Variants in RFX8 observed in about 807,000 individuals in gnomAD.
RFX8 encodes the protein regulatory factor X8, also known as DNA-binding protein RFX8.
Under a neutral mutation model 54.6 loss-of-function variants are expected in RFX8, and 46 were observed. The observed-to-expected ratio is 0.84, with a 90% confidence interval of 0.67 to 1.08. The LOEUF is 1.08. Ranked by LOEUF, RFX8 falls within the 50% of genes least tolerant of loss-of-function variation. The pLI is 0.00. For missense variants in RFX8, 536 were observed against 562.3 expected, an observed-to-expected ratio of 0.95 and a Z score of 0.47; for synonymous variants, 192 against 209.5, an observed-to-expected ratio of 0.92 and a Z score of 0.72.
intron 2 of RFX8, among the ~76,000 whole-genome samples, chr2:101,453,951 A>T (rs1359183395): frequency 6.6e-6 from 1 of 152,156 alleles, no homozygotes; most frequent in African/African-American, 2.4e-5. Context: ...CACAACATGC[A>T]GGTTTGTTAC....
At chr2:101,446,821 G>A (rs1344458473) in intron 2 of RFX8, among the ~76,000 whole-genome samples, 1 of 101,950 alleles carries the variant, frequency 9.8e-6, no homozygotes, top group Non-Finnish European at 2.0e-5. Context: ...GGGTGGGGGG[G>A]CACACAATGG....
intron 10 of RFX8, among the ~76,000 whole-genome samples, chr2:101,403,363 T>C (rs1167468129): frequency 6.6e-6 from 1 of 152,192 alleles, no homozygotes; most frequent in Non-Finnish European, 1.5e-5. Context: ...CCCAAGGCCT[T>C]TGTGCTCCCA....
At chr2:101,435,297 A>T (rs1048428502) in intron 2 of RFX8, among the ~76,000 whole-genome samples, 3 of 152,346 alleles carry the variant, frequency 2.0e-5, no homozygotes, top group Non-Finnish European at 4.4e-5. Flanking sequence ...AAAAGCTGAC[A>T]CGGTGAGAGA....
intron 2 of RFX8, among the ~76,000 whole-genome samples, chr2:101,424,288 CA>C (rs1252910110): frequency 5.3e-5 from 8 of 152,248 alleles, no homozygotes; most frequent in African/African-American, 1.9e-4. Flanking sequence ...CACTGGTCAT[CA>C]AAGAAATGCA....
chr2:101,436,094 C>T (rs966217187), intron 2 of RFX8, among the ~76,000 whole-genome samples: 11 of 152,068 alleles, frequency 7.2e-5, no homozygotes, highest in Admixed American at 3.3e-4. Context: ...CCCCAGCAGA[C>T]GGGTGTGGAG....
At chr2:101,449,712 C>A (rs2148969969) in intron 2 of RFX8, among the ~76,000 whole-genome samples, 1 of 152,124 alleles carries the variant, frequency 6.6e-6, no homozygotes, top group African/African-American at 2.4e-5. Context: ...AAGGTCAGGA[C>A]CAGTGAGAAG....
intron 2 of RFX8, among the ~76,000 whole-genome samples, chr2:101,449,993 G>A (rs1171481503): frequency 1.3e-5 from 2 of 151,980 alleles, no homozygotes; most frequent in East Asian, 1.9e-4. Context: ...TAGACTCAGC[G>A]AAAAATGGCT....
intron 1 of RFX8, 200 bp downstream of exon 1, chr2:101,474,436 C>G (rs2149006754): frequency 2.7e-6 from 1 of 365,132 alleles, no homozygotes; most frequent in African/African-American, 2.1e-5. Flanking sequence ...GTCCTCCAGG[C>G]CCGAGCCCGG....
At chr2:101,416,137 G>C (rs1402142294) in intron 6 of RFX8, among the ~76,000 whole-genome samples, 5 of 149,078 alleles carry the variant, frequency 3.4e-5, no homozygotes, top group Non-Finnish European at 6.0e-5. Flanking sequence ...GGGAAGGTTG[G>C]TAATTGATTA....
At chr2:101,456,786 G>A (rs756401810) in intron 2 of RFX8, among the ~76,000 whole-genome samples, 1 of 152,118 alleles carries the variant, frequency 6.6e-6, no homozygotes, top group Non-Finnish European at 1.5e-5. Flanking sequence ...CAGAAGGAAT[G>A]GTACCAGCTC....
chr2:101,444,826 C>T (rs1248475826), intron 2 of RFX8, among the ~76,000 whole-genome samples: 1 of 152,178 alleles, frequency 6.6e-6, no homozygotes, highest in East Asian at 1.9e-4. Flanking sequence ...TGAATGTTTA[C>T]TGTGTGCCAG....
chr2:101,426,691 A>G (rs1296709545), intron 2 of RFX8, among the ~76,000 whole-genome samples: 2 of 152,140 alleles, frequency 1.3e-5, no homozygotes, highest in African/African-American at 2.4e-5. Flanking sequence ...GCTACCATTC[A>G]TCTACTCATT....
At chr2:101,464,767 C>CT (rs1558892216) in intron 2 of RFX8, among the ~76,000 whole-genome samples, 1 of 151,998 alleles carries the variant, frequency 6.6e-6, no homozygotes, top group Non-Finnish European at 1.5e-5. Context: ...GTCTCTTTAA[C>CT]TTTTTTTTCT....
At chr2:101,470,381 T>G (rs1038112633) in intron 1 of RFX8, among the ~76,000 whole-genome samples, 1 of 152,156 alleles carries the variant, frequency 6.6e-6, no homozygotes, top group East Asian at 1.9e-4. Flanking sequence ...TCCAACCACC[T>G]GGGGCTCCAA....
At chr2:101,458,567 C>G (rs7578782) in intron 2 of RFX8, among the ~76,000 whole-genome samples, 135,776 of 152,250 alleles carry the variant, frequency 0.89, 61,047 homozygotes, top group Middle Eastern at 0.95. Context: ...TAGGGTTTCT[C>G]CCGAGAGATC....
In RFX8 at chr2:101,409,063, C is replaced by G. The variant is rs1685933416; in HGVS notation, c.813+1556G>C. ...ACTCCTGCTCTTGAATGCCCGATCC[C>G]CCTCTCTCAGCTTATTTTAATCCTG... On this transcript the variant is annotated intron_variant, in intron 9 of 11. Transcript: ENST00000428343. Among the ~76,000 whole-genome samples, 3 of 152,178 alleles carry G rather than the reference C, an allele frequency of 2.0e-5. 1 individual carries two copies. In the South Asian group the frequency reaches 6.2e-4, roughly 31 times the overall value.
intron 10 of RFX8, among the ~76,000 whole-genome samples, chr2:101,405,158 T>C (rs981853507): frequency 2.0e-5 from 3 of 151,730 alleles, no homozygotes; most frequent in African/African-American, 7.3e-5. Context: ...TTTTTTTTTT[T>C]TTCTTGAGGT....
intron 2 of RFX8, among the ~76,000 whole-genome samples, chr2:101,430,227 A>C (rs1409325544): frequency 6.6e-6 from 1 of 152,204 alleles, no homozygotes; most frequent in East Asian, 1.9e-4. Flanking sequence ...AGCCCTGCAC[A>C]TGCACATAGG....
intron 7 of RFX8, among the ~76,000 whole-genome samples, chr2:101,414,440 A>AC (rs1553452336): frequency 2.1e-5 from 3 of 145,482 alleles, no homozygotes; most frequent in Admixed American, 6.8e-5. Flanking sequence ...TAGTTTTTGT[A>AC]TTTTTTTTTT....
Sources: allele counts gnomAD v4.1 joint callset (sites outside exome capture counted in the v4.1 genomes callset), GRCh38; gene constraint gnomAD v4.1.1; transcripts MANE v1.5; gene names NCBI Gene and HGNC (gene_info 2026-07-23, HGNC 2026-07-21).